The following LDLRAD4 variants were observed in gnomAD, a reference collection of about 807,000 sequenced individuals.
The protein encoded by LDLRAD4 is low density lipoprotein receptor class A domain containing 4.
LDLRAD4 carries 5 observed loss-of-function variants against 17.0 expected under a neutral mutation model. The observed-to-expected ratio is 0.29, with a 90% CI of 0.15 to 0.62. The LOEUF is 0.62. Among genes scored for constraint, LDLRAD4 ranks in the 20% least tolerant of loss-of-function variants. The pLI is 0.84. For synonymous variants in LDLRAD4, 168 were observed against 171.8 expected (o/e 0.98, Z 0.17); for missense variants, 340 against 424.7 (o/e 0.80, Z 1.75).
chr18:13,385,691 C>T (rs773381642), intron 1 of LDLRAD4, among the ~76,000 whole-genome samples: 1 of 152,184 alleles, frequency 6.6e-6, no homozygotes, highest in Non-Finnish European at 1.5e-5. Flanking sequence ...TTTTATCTGG[C>T]AGGATAAATT....
intron 3 of LDLRAD4, among the ~76,000 whole-genome samples, chr18:13,452,465 T>A (rs1243477677): frequency 6.6e-6 from 1 of 151,912 alleles, no homozygotes; most frequent in Admixed American, 6.5e-5. Context: ...TGTGAGCAAG[T>A]CTCTGCGAGG....
At chr18:13,361,354 A>G (rs757531165) in intron 1 of LDLRAD4, among the ~76,000 whole-genome samples, 5 of 152,130 alleles carry the variant, frequency 3.3e-5, no homozygotes, top group Non-Finnish European at 7.4e-5. Flanking sequence ...AACATACATA[A>G]TATACCAACA....
chr18:13,535,101 C>A (rs2094184509), intron 3 of LDLRAD4, among the ~76,000 whole-genome samples: 1 of 152,114 alleles, frequency 6.6e-6, no homozygotes, highest in Admixed American at 6.5e-5. Context: ...TTCATTGTTT[C>A]CAGTTTGGGG....
At chr18:13,277,424 C>A (rs1412549546), upstream of LDLRAD4, among the ~76,000 whole-genome samples, 1 of 152,208 alleles carries the variant, frequency 6.6e-6, no homozygotes, top group African/African-American at 2.4e-5. Context: ...TGGGACGGTG[C>A]GATGCCCACA....
chr18:13,403,302 CTG>C (rs2087398169), intron 2 of LDLRAD4, among the ~76,000 whole-genome samples: 2 of 152,164 alleles, frequency 1.3e-5, no homozygotes, highest in South Asian at 4.1e-4. Context: ...TTAATAATAA[CTG>C]TTCTTTTGTG....
chr18:13,505,280 G>T (rs973907547), intron 3 of LDLRAD4, among the ~76,000 whole-genome samples: 8 of 152,226 alleles, frequency 5.3e-5, no homozygotes, highest in African/African-American at 1.9e-4. Context: ...TGCTGGAGAT[G>T]ATACTGCGTA....
intron 3 of LDLRAD4, among the ~76,000 whole-genome samples, chr18:13,599,075 T>A (rs933635749): frequency 6.6e-6 from 1 of 152,220 alleles, no homozygotes; most frequent in Non-Finnish European, 1.5e-5. Context: ...ATAGGAAGCC[T>A]ATGGCCTCTT....
intron 2 of LDLRAD4, among the ~76,000 whole-genome samples, chr18:13,415,627 A>G (rs564251008): frequency 1.5e-4 from 23 of 152,186 alleles, no homozygotes; most frequent in Non-Finnish European, 2.5e-4. Context: ...CAGGATTAAT[A>G]CACAAAGTGG....
At chr18:13,570,027 A>G (rs1458249510) in intron 3 of LDLRAD4, among the ~76,000 whole-genome samples, 1 of 152,208 alleles carries the variant, frequency 6.6e-6, no homozygotes, top group Non-Finnish European at 1.5e-5. Flanking sequence ...GGGCTTAGAA[A>G]GTGTTTTGGG....
intron 1 of LDLRAD4, among the ~76,000 whole-genome samples, chr18:13,362,862 A>G (rs1016079196): frequency 2.0e-5 from 3 of 152,162 alleles, no homozygotes; most frequent in Non-Finnish European, 4.4e-5. Flanking sequence ...TTTTATGCCT[A>G]TAGAGAAGAG....
intron 2 of LDLRAD4, chr18:13,427,608 C>G (rs1291329974): frequency 6.6e-6 from 1 of 152,224 alleles, no homozygotes; most frequent in African/African-American, 2.4e-5. Flanking sequence ...CCAAAACACA[C>G]AGTGTTGTGC....
At chr18:13,338,698 C>G (rs2082226116) in intron 1 of LDLRAD4, among the ~76,000 whole-genome samples, 1 of 152,212 alleles carries the variant, frequency 6.6e-6, no homozygotes, top group Admixed American at 6.5e-5. Flanking sequence ...CTTCTTGACA[C>G]TTAAGGTCAT....
At chr18:13,421,037 A>C (rs1439998787) in intron 2 of LDLRAD4, 2 of 152,256 alleles carry the variant, frequency 1.3e-5, no homozygotes, top group Admixed American at 1.3e-4. Flanking sequence ...GACGCTGAGC[A>C]AAATAGTCAC....
intron 3 of LDLRAD4, among the ~76,000 whole-genome samples, chr18:13,453,182 A>G (rs79492421): frequency 0.038 from 5,835 of 152,246 alleles, 190 homozygotes; most frequent in South Asian, 0.11. Context: ...ATGATGGTGG[A>G]CTTTGTTTTG....
intron 2 of LDLRAD4, chr18:13,419,409 T>A (rs2089241119): frequency 6.6e-6 from 1 of 152,218 alleles, no homozygotes; most frequent in African/African-American, 2.4e-5. Flanking sequence ...ATTTTTATTT[T>A]TTTTATTTTT....
At chr18:13,637,935 C>G (rs2042224811) in intron 4 of LDLRAD4, among the ~76,000 whole-genome samples, 1 of 148,804 alleles carries the variant, frequency 6.7e-6, no homozygotes. Flanking sequence ...CTGTGCATAA[C>G]AACAGCAAGT....
At chr18:13,460,890 A>C (rs2092393384) in intron 3 of LDLRAD4, 1 of 152,224 alleles carries the variant, frequency 6.6e-6, no homozygotes, top group African/African-American at 2.4e-5. Context: ...ACACCAAATG[A>C]ATCAGCCCAC....
At chr18:13,607,424 T>G (rs2095235325) in intron 3 of LDLRAD4, among the ~76,000 whole-genome samples, 1 of 152,212 alleles carries the variant, frequency 6.6e-6, no homozygotes, top group African/African-American at 2.4e-5. Flanking sequence ...CTAATTCTTT[T>G]TTTCTTATTA....
chr18:13,254,486 A>G (rs377139662), intron 1 of LDLRAD4, among the ~76,000 whole-genome samples: 54 of 152,290 alleles, frequency 3.5e-4, no homozygotes, highest in Admixed American at 8.5e-4. Context: ...CGCCTCTTCA[A>G]GGTCGCTCAG....
Sources: allele counts gnomAD v4.1 joint callset (sites outside exome capture counted in the v4.1 genomes callset), GRCh38; gene constraint gnomAD v4.1.1; transcripts MANE v1.5; gene names NCBI Gene and HGNC (gene_info 2026-07-23, HGNC 2026-07-21).